The following ARIH1 variants were observed in gnomAD, a reference collection of about 807,000 sequenced individuals.
ARIH1 encodes E3 ubiquitin-protein ligase ARIH1.
ARIH1 carries 8 observed loss-of-function variants against 85.0 expected under a neutral mutation model. The ratio of observed to expected loss-of-function variants is 0.09; its 90% CI spans 0.06 to 0.17. ARIH1 has a LOEUF of 0.17. Among genes scored for constraint, ARIH1 ranks in the 10% least tolerant of loss-of-function variants. The pLI, the probability that ARIH1 is intolerant of heterozygous loss-of-function variation, is 1.00. For missense variants in ARIH1, 311 were observed against 718.1 expected (o/e 0.43, Z 6.48); for synonymous variants, 238 against 253.6 (o/e 0.94, Z 0.59).
At chr15:72,506,258 G>C (rs1049317063) in intron 1 of ARIH1, among the ~76,000 whole-genome samples, 8 of 148,894 alleles carry the variant, frequency 5.4e-5, no homozygotes, top group Non-Finnish European at 1.2e-4. Context: ...GCTGAGGCAG[G>C]GGAATGGCGT....
intron 1 of ARIH1, among the ~76,000 whole-genome samples, chr15:72,489,371 C>G (rs2063849775): frequency 1.3e-5 from 2 of 151,340 alleles, no homozygotes; most frequent in Non-Finnish European, 2.9e-5. Flanking sequence ...TTAAAATGTT[C>G]TGGCATTTGT....
In ARIH1 at chr15:72,474,993, G is replaced by C; in HGVS notation, c.354G>C (p.Arg118=). ...QILQHMVECI[R]EVNEVIQNPA... is the part of the protein sequence containing the mutation. ...TACAACACATGGTGGAATGTATCCG[G>C]GAGGTCAACGAGGTCATCCAGGTGA... Residue 118 remains arginine (R), a synonymous_variant, in exon 1 of 14, where the codon CGG becomes CGC. Transcript: ENST00000379887. The C allele has an allele frequency of 1.3e-6, 2 of 1,558,412 alleles. No individual in the cohort carries two copies. The highest frequency in any genetic ancestry group is 1.7e-6 in the Non-Finnish European group (2 of 1,150,800).
chr15:72,482,194 TG>T (rs760548908), intron 1 of ARIH1, among the ~76,000 whole-genome samples: 36 of 152,360 alleles, frequency 2.4e-4, no homozygotes, highest in Non-Finnish European at 4.3e-4. Context: ...TTGGAGTTCT[TG>T]ATTTCCCTTC....
At chr15:72,546,045 G>A (rs1294836309) in intron 3 of ARIH1, among the ~76,000 whole-genome samples, 1 of 151,896 alleles carries the variant, frequency 6.6e-6, no homozygotes, top group Non-Finnish European at 1.5e-5. Context: ...CAATTATTTG[G>A]TTGATGGGGG....
At chr15:72,577,131 C>T (rs8038934) in intron 11 of ARIH1, among the ~76,000 whole-genome samples, 111,771 of 151,610 alleles carry the variant, frequency 0.74, 47,110 homozygotes, top group Non-Finnish European at 0.92. Context: ...TACAGACATG[C>T]GCCACCATGC....
intron 2 of ARIH1, among the ~76,000 whole-genome samples, chr15:72,523,516 GTT>G (rs61473982): frequency 2.1e-5 from 3 of 146,234 alleles, no homozygotes; most frequent in Admixed American, 6.8e-5. Flanking sequence ...CAACAGCACA[GTT>G]TTTTTTTTTT....
intron 2 of ARIH1, among the ~76,000 whole-genome samples, chr15:72,518,624 C>G (rs1199966724): frequency 6.6e-6 from 1 of 152,028 alleles, no homozygotes; most frequent in Non-Finnish European, 1.5e-5. Context: ...CCCGTCTCTA[C>G]TAAAAATACA....
chr15:72,559,819 A>G (rs956948695), intron 5 of ARIH1, among the ~76,000 whole-genome samples: 1 of 152,068 alleles, frequency 6.6e-6, no homozygotes, highest in African/African-American at 2.4e-5. Context: ...GGCTTCTTTA[A>G]TGTTTTCAAG....
chr15:72,506,272 C>T (rs2063924380), intron 1 of ARIH1, among the ~76,000 whole-genome samples: 1 of 140,700 alleles, frequency 7.1e-6, no homozygotes, highest in South Asian at 2.3e-4. Flanking sequence ...ATGGCGTGCA[C>T]CCGGGAGGTG....
At chr15:72,521,317 T>C (rs1354455282) in intron 2 of ARIH1, among the ~76,000 whole-genome samples, 1 of 151,694 alleles carries the variant, frequency 6.6e-6, no homozygotes, top group South Asian at 2.1e-4. Context: ...TGTGACAAAC[T>C]TTAAGTCCTA....
At chr15:72,527,700 T>G (rs1203513944) in intron 2 of ARIH1, among the ~76,000 whole-genome samples, 1 of 152,210 alleles carries the variant, frequency 6.6e-6, no homozygotes, top group Admixed American at 6.5e-5. Flanking sequence ...AGGCCTGACT[T>G]GCCTTTCTTA....
intron 3 of ARIH1, among the ~76,000 whole-genome samples, chr15:72,552,174 G>GA (rs890658123): frequency 5.3e-5 from 8 of 150,054 alleles, no homozygotes; most frequent in South Asian, 2.1e-4. Context: ...AGTATAGTAG[G>GA]AAAAAAAAAG....
chr15:72,482,709 A>C (rs2063821063), intron 1 of ARIH1, among the ~76,000 whole-genome samples: 1 of 152,164 alleles, frequency 6.6e-6, no homozygotes. Context: ...GGCTTAAAAA[A>C]ACAAGGATCT....
intron 10 of ARIH1, 60 bp downstream of exon 10, chr15:72,570,367 A>G: frequency 5.0e-6 from 8 of 1,595,816 alleles, no homozygotes; most frequent in Non-Finnish European, 6.8e-6. Flanking sequence ...TGTATTATGA[A>G]TAACATTTCT....
chr15:72,481,905 C>T (rs145190173), intron 1 of ARIH1, among the ~76,000 whole-genome samples: 1,991 of 152,154 alleles, frequency 0.013, 53 homozygotes, highest in African/African-American at 0.045. Flanking sequence ...GGCGCCATCT[C>T]GGCTCACTGC....
chr15:72,590,220 G>GT lies in ARIH1; in HGVS notation c.*6930dup, dbSNP rs2064337193. On this transcript the variant is annotated 3_prime_UTR_variant, in exon 14 of 14. Transcript: ENST00000379887. ...TGGATTGCCCAAGGCCACTCAACCA[G>GT]TTAATATCAGAGCCAGCTCTGCTGT... The GT allele has an allele frequency of 2.0e-5, 3 of 152,162 alleles. No individual in the cohort carries two copies. Among genetic ancestry groups the GT allele is most frequent in the African/African-American group, 7.2e-5 (3 of 41,420 alleles). The allele number at this position is 152,162 out of a possible 1,614,324, so 9.4% of individuals were successfully genotyped here. A position where few individuals can be genotyped will look rare whatever the true frequency, so the allele number is the denominator to read the frequency against.
intron 2 of ARIH1, among the ~76,000 whole-genome samples, chr15:72,519,046 C>T (rs1216376396): frequency 6.6e-6 from 1 of 151,930 alleles, no homozygotes; most frequent in Admixed American, 6.5e-5. Flanking sequence ...CATTCTTAAT[C>T]TTGTTCTGCT....
At chr15:72,548,754 G>A (rs916310544) in intron 3 of ARIH1, among the ~76,000 whole-genome samples, 1 of 152,068 alleles carries the variant, frequency 6.6e-6, no homozygotes, top group Admixed American at 6.6e-5. Flanking sequence ...CACTTACATT[G>A]TATAACTCCC....
intron 2 of ARIH1, among the ~76,000 whole-genome samples, chr15:72,537,599 G>C (rs966145495): frequency 1.3e-5 from 2 of 151,986 alleles, no homozygotes; most frequent in Non-Finnish European, 2.9e-5. Flanking sequence ...TCATTCGTAT[G>C]ATTTAAATGA....
Sources: allele counts gnomAD v4.1 joint callset (sites outside exome capture counted in the v4.1 genomes callset), GRCh38; gene constraint gnomAD v4.1.1; transcripts MANE v1.5; gene names NCBI Gene and HGNC (gene_info 2026-07-23, HGNC 2026-07-21).